The following MICU1 variants were observed in gnomAD, a reference collection of about 807,000 sequenced individuals.
The protein encoded by MICU1 is mitochondrial calcium uptake 1, also known as calcium uptake protein 1, mitochondrial.
Under a neutral mutation model 56.8 loss-of-function variants are expected in MICU1, and 45 were observed. The ratio of observed to expected loss-of-function variants is 0.79; its 90% CI spans 0.62 to 1.02. MICU1 has a LOEUF of 1.02. Ranked by LOEUF, MICU1 falls within the 50% of genes least tolerant of loss-of-function variation. The pLI, the probability that MICU1 is intolerant of heterozygous loss-of-function variation, is 0.00. For missense variants in MICU1, 504 were observed against 587.1 expected (o/e 0.86, Z 1.46); for synonymous variants, 186 against 195.1 (o/e 0.95, Z 0.39).
intron 3 of MICU1, among the ~76,000 whole-genome samples, chr10:72,553,142 C>T (rs529831832): frequency 6.6e-6 from 1 of 152,270 alleles, no homozygotes; most frequent in Admixed American, 6.5e-5. Context: ...CTCTCAGCAG[C>T]CTTGAGACAT....
intron 11 of MICU1, among the ~76,000 whole-genome samples, chr10:72,371,789 C>A (rs1467362724): frequency 6.6e-6 from 1 of 151,878 alleles, no homozygotes; most frequent in Non-Finnish European, 1.5e-5. Context: ...GGCATAGTGG[C>A]TCACACCTGT....
chr10:72,547,016 C>T (rs756461851), intron 4 of MICU1, among the ~76,000 whole-genome samples: 91 of 152,134 alleles, frequency 6.0e-4, no homozygotes, highest in Admixed American at 1.1e-3. Flanking sequence ...CTCAGCCTCC[C>T]GAGTAGCTGG....
intron 10 of MICU1, among the ~76,000 whole-genome samples, chr10:72,404,418 C>A (rs1413888882): frequency 6.6e-6 from 1 of 152,046 alleles, no homozygotes; most frequent in African/African-American, 2.4e-5. Context: ...GAATAAGTAA[C>A]AAAGGTATGA....
At chr10:72,472,264 T>C (rs1865974381) in intron 8 of MICU1, among the ~76,000 whole-genome samples, 1 of 152,210 alleles carries the variant, frequency 6.6e-6, no homozygotes, top group African/African-American at 2.4e-5. Context: ...AAGGAAAACG[T>C]CGCTAACTAG....
intron 1 of MICU1, among the ~76,000 whole-genome samples, chr10:72,609,917 C>G (rs923132876): frequency 6.6e-5 from 10 of 151,522 alleles, no homozygotes; most frequent in African/African-American, 2.4e-4. Context: ...TGCCTGTAAT[C>G]CTAGCTAGTC....
intron 9 of MICU1, among the ~76,000 whole-genome samples, chr10:72,414,809 A>T (rs531809248): frequency 6.6e-6 from 1 of 152,308 alleles, no homozygotes; most frequent in African/African-American, 2.4e-5. Context: ...TCTAATGCTG[A>T]CAGGCCATGA....
intron 6 of MICU1, among the ~76,000 whole-genome samples, chr10:72,485,011 TGACAGA>T (rs1194567315): frequency 6.6e-6 from 1 of 152,142 alleles, no homozygotes; most frequent in Non-Finnish European, 1.5e-5. Flanking sequence ...TGAGTAGTTG[TGACAGA>T]GACATTATCA....
At chr10:72,415,685 C>T (rs1863961392) in intron 9 of MICU1, among the ~76,000 whole-genome samples, 1 of 152,300 alleles carries the variant, frequency 6.6e-6, no homozygotes, top group Non-Finnish European at 1.5e-5. Flanking sequence ...CGGTCTTCCA[C>T]CATCTGCTTC....
chr10:72,498,455 G>A (rs543403978), intron 6 of MICU1, among the ~76,000 whole-genome samples: 1 of 152,134 alleles, frequency 6.6e-6, no homozygotes, highest in Non-Finnish European at 1.5e-5. Context: ...GTGTGGTGAT[G>A]CGTGCCTGTA....
chr10:72,512,029 T>C (rs940303779), intron 5 of MICU1, among the ~76,000 whole-genome samples: 1 of 151,374 alleles, frequency 6.6e-6, no homozygotes. Context: ...CAAGTTGACA[T>C]TTAAAATTAC....
chr10:72,418,268 G>C (rs534924172), intron 9 of MICU1, among the ~76,000 whole-genome samples: 12 of 152,216 alleles, frequency 7.9e-5, no homozygotes, highest in Admixed American at 2.6e-4. Flanking sequence ...CTCATGCAGA[G>C]GGTTAAGAAA....
intron 10 of MICU1, chr10:72,392,063 T>C (rs1029026177): frequency 3.9e-5 from 6 of 152,274 alleles, no homozygotes; most frequent in African/African-American, 9.7e-5. Context: ...AAGTGTTCCA[T>C]ATTTTGATGA....
At chr10:72,533,846 T>C (rs1211711658) in intron 4 of MICU1, 57 bp from the exon 5 acceptor site, 2 of 1,167,762 alleles carry the variant, frequency 1.7e-6, no homozygotes, top group Non-Finnish European at 1.2e-6. Flanking sequence ...GTGAAATTTA[T>C]AAAATGACAG....
intron 1 of MICU1, among the ~76,000 whole-genome samples, chr10:72,601,042 A>G (rs1841519319): frequency 6.6e-6 from 1 of 152,216 alleles, no homozygotes; most frequent in African/African-American, 2.4e-5. Context: ...GAAAGGGTAC[A>G]CAGGGGACTT....
chr10:72,561,463 T>C (rs7921361), intron 3 of MICU1, among the ~76,000 whole-genome samples: 5,615 of 152,316 alleles, frequency 0.037, 326 homozygotes, highest in African/African-American at 0.13. Flanking sequence ...TGCATGACTT[T>C]TGTTCAATTC....
At chr10:72,620,714 G>A (rs980468770) in intron 1 of MICU1, among the ~76,000 whole-genome samples, 4 of 152,088 alleles carry the variant, frequency 2.6e-5, no homozygotes, top group African/African-American at 9.7e-5. Flanking sequence ...TCTACTTCTA[G>A]CCATTTCTTG....
At chr10:72,464,444 T>A (rs971972795) in intron 8 of MICU1, among the ~76,000 whole-genome samples, 1 of 152,160 alleles carries the variant, frequency 6.6e-6, no homozygotes, top group South Asian at 2.1e-4. Flanking sequence ...CTCACCAGAT[T>A]TTTGCAAGGA....
At chr10:72,515,214 G>C (rs1052430858) in intron 5 of MICU1, among the ~76,000 whole-genome samples, 1 of 152,182 alleles carries the variant, frequency 6.6e-6, no homozygotes, top group East Asian at 1.9e-4. Context: ...AAAATACAAT[G>C]TTCTGTGAAC....
intron 8 of MICU1, among the ~76,000 whole-genome samples, chr10:72,458,166 CAA>C (rs111890564): frequency 8.5e-6 from 1 of 117,004 alleles, no homozygotes. Flanking sequence ...AAATCCATCT[CAA>C]AAAAAAAAAA....
Sources: gnomAD v4.1 joint callset for allele counts (sites outside exome capture counted in the v4.1 genomes callset) on GRCh38, gnomAD v4.1.1 for gene constraint, MANE v1.5 for transcripts, NCBI Gene and HGNC (gene_info 2026-07-23, HGNC 2026-07-21) for gene names.